The following CAMTA1 variants were observed in gnomAD, a reference collection of about 807,000 sequenced individuals.
CAMTA1 encodes calmodulin-binding transcription activator 1.
CAMTA1 carries 27 observed loss-of-function variants against 170.9 expected under a neutral mutation model. The observed-to-expected ratio is 0.16, with a 90% CI of 0.12 to 0.22. The LOEUF (loss-of-function observed/expected upper bound fraction) is 0.22, where lower values mean the gene tolerates loss of function less well. Ranked by LOEUF, CAMTA1 falls within the 10% of genes least tolerant of loss-of-function variation. CAMTA1 has a pLI of 1.00. For synonymous variants in CAMTA1, 833 were observed against 891.5 expected (o/e 0.93, Z 1.17); for missense variants, 1,619 against 2,217.2 (o/e 0.73, Z 5.42).
intron 6 of CAMTA1, among the ~76,000 whole-genome samples, chr1:7,622,790 C>T (rs1268973059): frequency 6.6e-6 from 1 of 152,266 alleles, no homozygotes; most frequent in Non-Finnish European, 1.5e-5. Context: ...GGCCAGATGC[C>T]AGGCTCAAGG....
chr1:7,001,897 C>CTTCTTCTT (rs777475717), intron 3 of CAMTA1, among the ~76,000 whole-genome samples: 4 of 137,434 alleles, frequency 2.9e-5, no homozygotes, highest in African/African-American at 1.1e-4. Context: ...TCTTCTTCTT[C>CTTCTTCTT]TTTTTTTTTT....
chr1:7,321,286 T>C (rs1277364794), intron 5 of CAMTA1, among the ~76,000 whole-genome samples: 1 of 152,200 alleles, frequency 6.6e-6, no homozygotes, highest in Non-Finnish European at 1.5e-5. Context: ...CTGCTCATTT[T>C]GGTAGTTGTG....
chr1:6,884,006 A>G (rs60412370), intron 3 of CAMTA1, among the ~76,000 whole-genome samples: 31,380 of 152,010 alleles, frequency 0.21, 3,462 homozygotes, highest in East Asian at 0.28. Context: ...TTCTAATTTG[A>G]AGTAGACACA....
intron 5 of CAMTA1, among the ~76,000 whole-genome samples, chr1:7,314,039 G>C (rs1457687388): frequency 6.6e-6 from 1 of 152,246 alleles, no homozygotes; most frequent in Non-Finnish European, 1.5e-5. Context: ...AAATTCTTAA[G>C]AGACGATTAT....
intron 3 of CAMTA1, among the ~76,000 whole-genome samples, chr1:6,973,507 C>A (rs1047297891): frequency 6.6e-6 from 1 of 152,238 alleles, no homozygotes; most frequent in Non-Finnish European, 1.5e-5. Flanking sequence ...ATCCCACGCT[C>A]CCTTTATGCA....
chr1:6,852,998 C>T (rs929178487), intron 3 of CAMTA1: 1 of 78,514 alleles, frequency 1.3e-5, no homozygotes, highest in Non-Finnish European at 2.9e-5. Context: ...TTTCAGGGCT[C>T]AATGCCAGGA....
At chr1:7,069,119 G>A (rs1053356313) in intron 3 of CAMTA1, among the ~76,000 whole-genome samples, 4 of 152,234 alleles carry the variant, frequency 2.6e-5, no homozygotes, top group East Asian at 1.9e-4. Flanking sequence ...TCCCATTTCC[G>A]GCCATGTCTT....
intron 11 of CAMTA1, among the ~76,000 whole-genome samples, chr1:7,708,907 T>G (rs1481772130): frequency 2.0e-5 from 3 of 152,230 alleles, no homozygotes; most frequent in Non-Finnish European, 2.9e-5. Context: ...TATATTAAAC[T>G]AATATTTATC....
chr1:7,320,678 A>G (rs1211472332), intron 5 of CAMTA1, among the ~76,000 whole-genome samples: 2 of 78,262 alleles, frequency 2.6e-5, no homozygotes, highest in East Asian at 3.6e-4. Flanking sequence ...TTTTTTTGCT[A>G]TCTTAGCCAG....
rs948469506 is a variant in CAMTA1 at position 7,641,297 on chromosome 1, C to G, written c.664+744C>G. Among the ~76,000 whole-genome samples, 2 of 152,130 alleles carry G rather than the reference C, an allele frequency of 1.3e-5. No homozygotes were observed. Among genetic ancestry groups the G allele is most frequent in the African/African-American group, 4.8e-5 (2 of 41,428 alleles). On this transcript the variant is annotated intron_variant, in intron 7 of 22. Transcript: ENST00000303635. The surrounding 1 kb of genome is among the most constrained non-coding windows in gnomAD (Gnocchi z 4.5). ...CATGGGGGCTGTTTAGTGGTGGACA[C>G]GTAGCCCACGGGGTTCAGGGACATT...
intron 4 of CAMTA1, among the ~76,000 whole-genome samples, chr1:7,183,005 T>C (rs1472504186): frequency 2.0e-5 from 3 of 152,210 alleles, no homozygotes; most frequent in Non-Finnish European, 2.9e-5. Context: ...GTGGCGATTG[T>C]ACTCGTCTGT....
chr1:7,700,748 A>G (rs2096430862), intron 11 of CAMTA1: 1 of 152,254 alleles, frequency 6.6e-6, no homozygotes, highest in Non-Finnish European at 1.5e-5. Context: ...CATTGGCTCA[A>G]GAAAGTCACA....
chr1:7,686,673 C>G (rs2096261224), intron 11 of CAMTA1, among the ~76,000 whole-genome samples: 1 of 152,122 alleles, frequency 6.6e-6, no homozygotes, highest in Non-Finnish European at 1.5e-5. Context: ...GCAGCTGCCA[C>G]GTGGAGAATG....
chr1:7,293,090 C>T lies in CAMTA1; in HGVS notation c.438+43464C>T, dbSNP rs1673393290. Among the ~76,000 whole-genome samples the T allele has an allele frequency of 6.6e-6, 1 of 152,182 alleles. No individual in the cohort carries two copies. The highest frequency in any genetic ancestry group is 2.4e-5 in the African/African-American group (1 of 41,456). On this transcript the variant is annotated intron_variant, in intron 5 of 22. Transcript: ENST00000303635. This position sits in a 1 kb window ranked among gnomAD's most constrained non-coding sequence, Gnocchi z 4.1. ...CTGGGTCACTGGAGCTTCCAGAGCC[C>T]AGGCTTCGTTGCTTTTCTGCTGTAT...
rs372161875 is a variant in CAMTA1, at chr1:7,052,586, G to A, written c.235-38718G>A. 1.1e-4 allele frequency among the ~76,000 whole-genome samples: 17 copies of A among 152,172 alleles called. No homozygotes were observed. The South Asian group carries it at 1.7e-3, about 15-fold the overall frequency. On this transcript the variant is annotated intron_variant, in intron 3 of 22. Coordinates refer to ENST00000303635, the MANE Select transcript of CAMTA1 (RefSeq NM_015215.4). Reference sequence around the variant, plus strand: ...ATTCCACAGGTCCCTCCTCGCCCACGTGCCTTCTGCATCGGGCCCCTTTCC... The same window carrying A: ...ATTCCACAGGTCCCTCCTCGCCCACATGCCTTCTGCATCGGGCCCCTTTCC...
intron 3 of CAMTA1, among the ~76,000 whole-genome samples, chr1:6,892,589 TTTC>T (rs1453484008): frequency 1.4e-5 from 2 of 144,094 alleles, no homozygotes; most frequent in South Asian, 2.2e-4. Context: ...AGCAAATTTT[TTTC>T]TTTTCTTTTT....
chr1:7,501,007 A>G (rs2093996799), intron 6 of CAMTA1, among the ~76,000 whole-genome samples: 1 of 152,172 alleles, frequency 6.6e-6, no homozygotes, highest in African/African-American at 2.4e-5. Flanking sequence ...CTGCAGGACC[A>G]AAGCTGCCTC....
At chr1:7,718,899 G>A (rs926629589) in intron 11 of CAMTA1, among the ~76,000 whole-genome samples, 4 of 136,976 alleles carry the variant, frequency 2.9e-5, no homozygotes, top group African/African-American at 5.4e-5. Context: ...GGAGTAATAC[G>A]CTTTCTCTGT....
chr1:7,183,298 T>C (rs1558216448), intron 4 of CAMTA1, among the ~76,000 whole-genome samples: 1 of 151,180 alleles, frequency 6.6e-6, no homozygotes, highest in African/African-American at 2.4e-5. Context: ...TTTTGAGGGA[T>C]CCCCCCCAAT....
Sources: allele counts gnomAD v4.1 joint callset (sites outside exome capture counted in the v4.1 genomes callset), GRCh38; gene constraint gnomAD v4.1.1; non-coding constraint Gnocchi (gnomAD v3.1); transcripts MANE v1.5; gene names NCBI Gene and HGNC (gene_info 2026-07-23, HGNC 2026-07-21).